The following PDE1A variants were observed in gnomAD, a reference collection of about 807,000 sequenced individuals.
PDE1A encodes dual specificity calcium/calmodulin-dependent 3',5'-cyclic nucleotide phosphodiesterase 1A.
In PDE1A, 35 loss-of-function variants were observed where a neutral mutation model predicts 61.7. The ratio of observed to expected loss-of-function variants is 0.57; its 90% CI spans 0.43 to 0.75. The LOEUF (loss-of-function observed/expected upper bound fraction) is 0.75, where lower values mean the gene tolerates loss of function less well. Among genes scored for constraint, PDE1A ranks in the 30% least tolerant of loss-of-function variants. The probability of loss-of-function intolerance (pLI) is 0.00; values close to 1 mark genes in which losing one functional copy is unlikely to be tolerated. For missense variants in PDE1A, 597 were observed against 630.6 expected, an observed-to-expected ratio of 0.95 and a Z score of 0.57; for synonymous variants, 232 against 213.2, an observed-to-expected ratio of 1.09 and a Z score of -0.77.
chr2:182,265,418 G>A lies in PDE1A; in HGVS notation c.54-1004C>T, dbSNP rs200977359. Among the ~76,000 whole-genome samples, 20 of 152,064 alleles carry A rather than the reference G, an allele frequency of 1.3e-4. No homozygotes were observed. The East Asian group carries it at 2.3e-3, about 18-fold the overall frequency. ...TTATTTTAAAAGTTAATTGAGACAA[G>A]AAAAAATATACGTATGTGTCCTTAG... On this transcript the variant is annotated intron_variant, in intron 1 of 13. Transcript: ENST00000351439.
chr2:182,146,484 GTTATTATTATTA>G, downstream of PDE1A, among the ~76,000 whole-genome samples: 1 of 151,874 alleles, frequency 6.6e-6, no homozygotes, highest in South Asian at 2.1e-4. Context: ...ATTTATTATT[GTTATTATTATTA>G]TTATTTTGAG....
the PDE1A span, among the ~76,000 whole-genome samples, chr2:182,650,835 A>T: frequency 1.3e-5 from 2 of 152,272 alleles, no homozygotes; most frequent in African/African-American, 4.8e-5. Context: ...CTCCATGCTG[A>T]CAACTGATAT....
chr2:182,148,764 G>A (rs1690626363), intron 13 of PDE1A, among the ~76,000 whole-genome samples: 1 of 152,080 alleles, frequency 6.6e-6, no homozygotes, highest in Admixed American at 6.5e-5. Flanking sequence ...TCTCAGGTAG[G>A]AACTAGATTC....
the PDE1A span, among the ~76,000 whole-genome samples, chr2:182,632,713 G>A: frequency 6.6e-6 from 1 of 151,994 alleles, no homozygotes; most frequent in Non-Finnish European, 1.5e-5. Context: ...CCATAGAATT[G>A]TTTATAAAAG....
At chr2:182,344,357 C>T (rs1196218458) in intron 1 of PDE1A, among the ~76,000 whole-genome samples, 1 of 152,070 alleles carries the variant, frequency 6.6e-6, no homozygotes, top group Non-Finnish European at 1.5e-5. Context: ...TAAGTATACA[C>T]AAATACATTG....
chr2:182,652,523 C>A, the PDE1A span, among the ~76,000 whole-genome samples: 1 of 152,086 alleles, frequency 6.6e-6, no homozygotes. Context: ...CAAAATGAGT[C>A]AAAACATGCA....
intron 10 of PDE1A, among the ~76,000 whole-genome samples, chr2:182,196,699 A>C (rs1431837224): frequency 1.3e-5 from 2 of 151,890 alleles, no homozygotes; most frequent in African/African-American, 2.4e-5. Context: ...TTTGAACTTC[A>C]TATAAATTGG....
At chr2:182,364,579 T>G (rs916977512) in intron 1 of PDE1A, among the ~76,000 whole-genome samples, 1 of 144,794 alleles carries the variant, frequency 6.9e-6, no homozygotes, top group South Asian at 2.2e-4. Flanking sequence ...CAGGACAGCA[T>G]AGCATTAAAA....
intron 5 of PDE1A, among the ~76,000 whole-genome samples, 157 bp downstream of exon 5, chr2:182,230,858 T>A (rs566256413): frequency 6.6e-6 from 1 of 152,304 alleles, no homozygotes; most frequent in East Asian, 1.9e-4. Flanking sequence ...TTGTGGAGAA[T>A]GGTTCTATCA....
At chr2:182,545,435 C>T in the PDE1A span, among the ~76,000 whole-genome samples, 8 of 152,214 alleles carry the variant, frequency 5.3e-5, no homozygotes, top group African/African-American at 1.9e-4. Flanking sequence ...CTTACATTTC[C>T]AGTGTAACAA....
chr2:182,457,194 A>G (rs1301405965), intron 2 of PDE1A, among the ~76,000 whole-genome samples: 1 of 152,030 alleles, frequency 6.6e-6, no homozygotes, highest in East Asian at 1.9e-4. Context: ...TTCAGACAAT[A>G]TAAGGAATTT....
chr2:182,671,361 T>TTTCTTTTTTTTTTC, the PDE1A span, among the ~76,000 whole-genome samples: 1 of 114,206 alleles, frequency 8.8e-6, no homozygotes, highest in East Asian at 2.7e-4. Flanking sequence ...TTTTTTTTTT[T>TTTCTTTTTTTTTTC]GTATTTTTAG....
At chr2:182,483,144 A>G (rs2125851550) in intron 2 of PDE1A, among the ~76,000 whole-genome samples, 1 of 152,108 alleles carries the variant, frequency 6.6e-6, no homozygotes, top group Admixed American at 6.6e-5. Flanking sequence ...TAGCAATCAT[A>G]GCTGTATACT....
intron 1 of PDE1A, among the ~76,000 whole-genome samples, chr2:182,318,656 G>A (rs1042102712): frequency 6.6e-6 from 1 of 152,056 alleles, no homozygotes; most frequent in African/African-American, 2.4e-5. Flanking sequence ...TCACCCACAG[G>A]ACCACAGCTG....
intron 2 of PDE1A, among the ~76,000 whole-genome samples, chr2:182,443,050 G>C (rs1684895225): frequency 6.6e-6 from 1 of 151,814 alleles, no homozygotes; most frequent in Non-Finnish European, 1.5e-5. Context: ...AGGGGGTTCA[G>C]GTAAATCCCC....
exon 14 of PDE1A, chr2:182,147,051 T>G (rs1327732046): frequency 2.1e-6 from 3 of 1,447,220 alleles, no homozygotes; most frequent in Non-Finnish European, 2.9e-6. Context: ...ATGTTTAAAA[T>G]GACAGAAGTC....
chr2:182,230,351 A>G (rs1028542311), intron 5 of PDE1A, among the ~76,000 whole-genome samples: 2 of 152,170 alleles, frequency 1.3e-5, no homozygotes, highest in Admixed American at 6.5e-5. Flanking sequence ...CAAGTATTTG[A>G]CTAGGACAGA....
At chr2:182,368,471 A>G (rs1383821013) in intron 1 of PDE1A, among the ~76,000 whole-genome samples, 2 of 151,488 alleles carry the variant, frequency 1.3e-5, no homozygotes, top group East Asian at 1.9e-4. Flanking sequence ...CACTTGTCCT[A>G]TAGAATGTCT....
intron 10 of PDE1A, among the ~76,000 whole-genome samples, chr2:182,192,097 T>C (rs1404468167): frequency 6.6e-6 from 1 of 152,040 alleles, no homozygotes; most frequent in African/African-American, 2.4e-5. Flanking sequence ...CCTCAGGTAG[T>C]CCCTCTGCCT....
Sources: gnomAD v4.1 joint callset for allele counts (sites outside exome capture counted in the v4.1 genomes callset) on GRCh38, gnomAD v4.1.1 for gene constraint, MANE v1.5 for transcripts, NCBI Gene and HGNC (gene_info 2026-07-23, HGNC 2026-07-21) for gene names.